FPGS: variants seen among roughly 807,000 people sequenced by gnomAD.
The protein encoded by FPGS is folylpolyglutamate synthase.
Under a neutral mutation model 66.5 loss-of-function variants are expected in FPGS, and 53 were observed. The ratio of observed to expected loss-of-function variants is 0.80; its 90% CI spans 0.64 to 1.00. The LOEUF is 1.00. FPGS is among the 50% of genes least tolerant of loss of function. FPGS has a pLI of 0.00. For missense variants in FPGS, 702 were observed against 807.7 expected (o/e 0.87, Z 1.59); for synonymous variants, 348 against 350.9 (o/e 0.99, Z 0.09).
chr9:127,811,678 G>T (rs541475692), intron 14 of FPGS, among the ~76,000 whole-genome samples: 2 of 152,122 alleles, frequency 1.3e-5, no homozygotes, highest in South Asian at 2.1e-4. Context: ...TAGAGACAGG[G>T]TTTCTCCATG....
chr9:127,809,652 G>A, intron 11 of FPGS, 32 bp from the exon 12 acceptor site: 1 of 1,565,232 alleles, frequency 6.4e-7, no homozygotes. Context: ...GTGGGAGAGG[G>A]CCTGGAGGAC....
At chr9:127,809,007 C>A in intron 11 of FPGS, 118 bp downstream of exon 11, 1 of 781,974 alleles carries the variant, frequency 1.3e-6, no homozygotes, top group Non-Finnish European at 2.0e-6. Flanking sequence ...TGAAGTGGTG[C>A]TTAAGAGAAA....
At chr9:127,803,162 G>A (rs1297360294) in intron 1 of FPGS, 100 bp downstream of exon 1, 2 of 1,259,938 alleles carry the variant, frequency 1.6e-6, no homozygotes, top group Non-Finnish European at 1.0e-6. Context: ...AGAGGGTATC[G>A]GGAGCCCTGG....
chr9:127,813,929 C>T lies in FPGS; in HGVS notation c.*325C>T. On this transcript the variant is annotated 3_prime_UTR_variant, in exon 15 of 15. Transcript: ENST00000373247. ...TATTGTGTGCGCTGCCTGGCCAGGC[C>T]CTGGGTCTTGCCATGTGCTGGGTGG... is the stretch of plus-strand genomic sequence containing the variant. The T allele has an allele frequency of 1.8e-6, 2 of 1,132,488 alleles. No individual in the cohort carries two copies. The highest frequency in any genetic ancestry group is 2.2e-6 in the Non-Finnish European group (2 of 925,086). The allele number at this position is 1,132,488 out of a possible 1,614,324, so 70.2% of individuals were successfully genotyped here.
intron 1 of FPGS, chr9:127,803,485 T>G (rs144076306): frequency 1.1e-6 from 1 of 897,862 alleles, no homozygotes; most frequent in African/African-American, 1.8e-5. Context: ...ATTCAGAAGA[T>G]TGGGGATCCA....
rs998898652 is a variant in FPGS at position 127,809,796 on chromosome 9, G to C, written c.1173G>C (p.Trp391Cys). The C allele has an allele frequency of 1.3e-6, 2 of 1,522,496 alleles. No individual in the cohort carries two copies. Among genetic ancestry groups the C allele is most frequent in the Non-Finnish European group, 1.7e-6 (2 of 1,147,138 alleles). 94.3% of individuals were successfully genotyped at this position (1,522,496 alleles called of 1,614,324 possible). A position where few individuals can be genotyped will look rare whatever the true frequency, so the allele number is the denominator to read the frequency against. Reference sequence around the variant, plus strand: ...GCAGCGCGCAGGCCTGCGTGCGCTGGTTCCGCCAGGCGCTGCAGGGCCGCG... The same window carrying C: ...GCAGCGCGCAGGCCTGCGTGCGCTGCTTCCGCCAGGCGCTGCAGGGCCGCG... ...TASSAQACVR[W>C]FRQALQGRER... The change falls in exon 12 of 15, where the codon TGG becomes TGC. Residue 391 changes from tryptophan to cysteine, a missense_variant. By Grantham distance (215) the Trp-to-Cys change is radical. Coordinates refer to ENST00000373247, the MANE Select transcript of FPGS (RefSeq NM_004957.6).
intron 11 of FPGS, 122 bp from the exon 12 acceptor site, chr9:127,809,562 G>A: frequency 2.1e-6 from 2 of 930,532 alleles, no homozygotes; most frequent in Non-Finnish European, 1.5e-6. Flanking sequence ...CTGGGCTGCC[G>A]GGGTCCTGAG....
Position 127,807,724 on chromosome 9 carries a change from A to C in FPGS, c.744+36A>C. The stretch of plus-strand genomic sequence containing the variant: ...AGACTGGGGGAAGGGAGAGACATGG[A>C]AGGCCTGGGAGTCTACGTTTTCATC... On this transcript the variant is annotated intron_variant, in intron 8 of 14. Transcript: ENST00000373247. The surrounding 1 kb of genome is among the most constrained non-coding windows in gnomAD (Gnocchi z 5.8). 1 of 1,376,538 alleles carries C rather than the reference A, an allele frequency of 7.3e-7. No homozygotes were observed. Among genetic ancestry groups the C allele is most frequent in the Non-Finnish European group, 1.0e-6 (1 of 996,396 alleles). 85.3% of individuals were successfully genotyped at this position (1,376,538 alleles called of 1,614,324 possible).
At chr9:127,814,247 C>G (rs1166712484), downstream of FPGS, 2 of 712,226 alleles carry the variant, frequency 2.8e-6, no homozygotes, top group Non-Finnish European at 3.4e-6. Context: ...CAGACTGAAG[C>G]CTGTTCACCA....
rs1213991555 is a variant in FPGS, at chr9:127,813,323, G to A, written c.1483G>A (p.Gly495Ser). The change falls in exon 15 of 15, where the codon GGT becomes AGT. Residue 495 changes from glycine to serine, a missense_variant. By Grantham distance (56) the Gly-to-Ser change is moderately conservative (BLOSUM62 0). This residue lies in a region of FPGS where 351 missense variants were observed against 363.7 expected (regional missense o/e 0.97). Transcript: ENST00000373247. ...DLWSAPSPEP[G>S]GSASLLLAPH... Reference sequence around the variant, plus strand: ...CTGGAGTGCCCCCAGCCCAGAGCCCGGTGGGTCCGCATCCCTGCTTCTGGC... The same window carrying A: ...CTGGAGTGCCCCCAGCCCAGAGCCCAGTGGGTCCGCATCCCTGCTTCTGGC... 17 of 1,612,930 alleles carry A rather than the reference G, an allele frequency of 1.1e-5. No homozygotes were observed. The highest frequency in any genetic ancestry group is 6.7e-5 in the Admixed American group (4 of 59,992).
At position 127,809,851 on chromosome 9, in the gene FPGS, G is replaced by T. The variant is rs929999338; in HGVS notation, c.1211+17G>T. On this transcript the variant is annotated intron_variant, in intron 12 of 14. Coordinates refer to ENST00000373247, the MANE Select transcript of FPGS (RefSeq NM_004957.6). ...GCCGAGCGGGTGAGGGGCAGGGCTG[G>T]GGGTGGGGCCGGGGCTGGCCCACGA... The T allele has an allele frequency of 2.1e-6, 3 of 1,440,988 alleles. No individual in the cohort carries two copies. The highest frequency in any genetic ancestry group is 2.7e-6 in the Non-Finnish European group (3 of 1,093,690). The allele number at this position is 1,440,988 out of a possible 1,614,324, so 89.3% of individuals were successfully genotyped here.
chr9:127,813,322 C>G lies in FPGS; in HGVS notation c.1482C>G (p.Pro494=), dbSNP rs377088199. The G allele has an allele frequency of 7.4e-6, 12 of 1,613,174 alleles. No homozygotes were observed. The highest frequency in any genetic ancestry group is 1.0e-5 in the Non-Finnish European group (12 of 1,179,934). ...TCTGGAGTGCCCCCAGCCCAGAGCC[C>G]GGTGGGTCCGCATCCCTGCTTCTGG... ...PDLWSAPSPE[P]GGSASLLLAP... is the part of the protein sequence containing the mutation. Residue 494 remains proline (P), a synonymous_variant, in exon 15 of 15, where the codon CCC becomes CCG. Coordinates refer to ENST00000373247, the MANE Select transcript of FPGS (RefSeq NM_004957.6).
In FPGS at chr9:127,807,825, T is replaced by C; in HGVS notation, c.744+137T>C. On this transcript the variant is annotated intron_variant, in intron 8 of 14. Coordinates refer to ENST00000373247, the MANE Select transcript of FPGS (RefSeq NM_004957.6). This position sits in a 1 kb window ranked among gnomAD's most constrained non-coding sequence, Gnocchi z 5.8. ...TCCCCATTGAAACGTGAGGGATGGC[T>C]GGGCATGGTGGCTTATATGCTTGCA... The C allele has an allele frequency of 1.6e-6, 1 of 619,272 alleles. No individual in the cohort carries two copies. Among genetic ancestry groups the C allele is most frequent in the Non-Finnish European group, 2.8e-6 (1 of 357,414 alleles). The allele number at this position is 619,272 out of a possible 1,614,324, so 38.4% of individuals were successfully genotyped here.
chr9:127,804,615 G>C, intron 3 of FPGS, 21 bp from the exon 4 acceptor site: 1 of 1,614,128 alleles, frequency 6.2e-7, no homozygotes. Flanking sequence ...AGCCTGCCCA[G>C]ACAATCCCTT....
chr9:127,814,126 C>G (rs180671155), downstream of FPGS: 5,755 of 986,168 alleles, frequency 5.8e-3, 18 homozygotes, highest in Non-Finnish European at 6.5e-3. Context: ...GGAGGGGCTG[C>G]TGGTGGTCAG....
chr9:127,813,838 G>A lies in FPGS; in HGVS notation c.*234G>A. The A allele has an allele frequency of 8.0e-7, 1 of 1,250,260 alleles. No homozygotes were observed. The highest frequency in any genetic ancestry group is 1.0e-6 in the Non-Finnish European group (1 of 1,000,010). The allele number at this position is 1,250,260 out of a possible 1,614,324, so 77.4% of individuals were successfully genotyped here. ...GGGGCTCCCCGGGTCTCTCACTGTT[G>A]CAGTGGCCTGGCCGTTCAGCCTGTC... On this transcript the variant is annotated 3_prime_UTR_variant, in exon 15 of 15. Transcript: ENST00000373247.
At chr9:127,810,687 G>A (rs1830036596) in intron 13 of FPGS, among the ~76,000 whole-genome samples, 2 of 152,166 alleles carry the variant, frequency 1.3e-5, no homozygotes, top group South Asian at 4.1e-4. Flanking sequence ...GTGACCTTCA[G>A]CAAGTCCCCT....
chr9:127,803,500 C>T (rs910307227), intron 1 of FPGS: 15 of 806,954 alleles, frequency 1.9e-5, no homozygotes, highest in Non-Finnish European at 2.3e-5. Context: ...GATCCAAGTG[C>T]CTGGATTTGG....
chr9:127,805,191 A>G (rs1829761410), intron 4 of FPGS, among the ~76,000 whole-genome samples: 1 of 151,834 alleles, frequency 6.6e-6, no homozygotes, highest in Admixed American at 6.6e-5. Flanking sequence ...GCCTGGCCTT[A>G]ATTTTCATAA....
Sources: allele counts gnomAD v4.1 joint callset (sites outside exome capture counted in the v4.1 genomes callset), GRCh38; gene constraint gnomAD v4.1.1; regional missense constraint gnomAD v4.1.1; non-coding constraint Gnocchi (gnomAD v3.1); transcripts MANE v1.5; gene names NCBI Gene and HGNC (gene_info 2026-07-23, HGNC 2026-07-21).